Variants in LHFPL6 observed in about 807,000 individuals in gnomAD.
LHFPL6 encodes LHFPL tetraspan subfamily member 6 protein.
Under a neutral mutation model 20.6 loss-of-function variants are expected in LHFPL6, and 9 were observed. The ratio of observed to expected loss-of-function variants is 0.44; its 90% CI spans 0.26 to 0.76. LHFPL6 has a LOEUF of 0.76. Among genes scored for constraint, LHFPL6 ranks in the 30% least tolerant of loss-of-function variants. The pLI is 0.20. For synonymous variants in LHFPL6, 105 were observed against 98.7 expected (o/e 1.06, Z -0.38); for missense variants, 218 against 253.5 (o/e 0.86, Z 0.95).
At chr13:39,468,396 T>A (rs1872857454) in intron 2 of LHFPL6, among the ~76,000 whole-genome samples, 1 of 152,106 alleles carries the variant, frequency 6.6e-6, no homozygotes, top group Non-Finnish European at 1.5e-5. Context: ...AAGAATAAGC[T>A]GGGTGTGGGC....
chr13:39,367,505 C>T (rs968503444), intron 3 of LHFPL6, among the ~76,000 whole-genome samples: 2 of 152,152 alleles, frequency 1.3e-5, no homozygotes, highest in Non-Finnish European at 2.9e-5. Context: ...CAAATACTTT[C>T]GTAGATAATG....
intron 2 of LHFPL6, among the ~76,000 whole-genome samples, chr13:39,555,883 T>C (rs906444310): frequency 6.6e-6 from 1 of 152,160 alleles, no homozygotes; most frequent in Non-Finnish European, 1.5e-5. Flanking sequence ...AAGTACTGGA[T>C]CATGGGGGCA....
At chr13:39,379,948 G>A (rs1870394148) in intron 2 of LHFPL6, among the ~76,000 whole-genome samples, 1 of 152,212 alleles carries the variant, frequency 6.6e-6, no homozygotes, top group South Asian at 2.1e-4. Flanking sequence ...GCATAAATAT[G>A]AATTATGTTG....
At chr13:39,501,678 T>C (rs1445563842) in intron 2 of LHFPL6, among the ~76,000 whole-genome samples, 2 of 152,156 alleles carry the variant, frequency 1.3e-5, no homozygotes, top group Admixed American at 6.5e-5. Context: ...AGAAACAAGA[T>C]TCATGAGTTG....
Position 39,343,981 on chromosome 13 carries a change from C to A in LHFPL6, c.558G>T (p.Trp186Cys). The stretch of plus-strand genomic sequence containing the variant: ...GTTTCTTGCCCGAAAAGCAAGCCAG[C>A]CACGTGCACAGCAGCATGGCGGCAG... ...GATAAMLLCT[W>C]LACFSGKKQK... is the part of the protein sequence containing the mutation. The change falls in exon 4 of 4, where the codon TGG becomes TGT. Residue 186 changes from tryptophan to cysteine, a missense_variant. Coordinates refer to ENST00000379589, the MANE Select transcript of LHFPL6 (RefSeq NM_005780.3). 1 of 1,613,756 alleles carries A rather than the reference C, an allele frequency of 6.2e-7. No individual in the cohort carries two copies. The highest frequency in any genetic ancestry group is 8.5e-7 in the Non-Finnish European group (1 of 1,179,940).
chr13:39,350,762 G>A (rs1195809967), intron 3 of LHFPL6, among the ~76,000 whole-genome samples: 2 of 152,196 alleles, frequency 1.3e-5, no homozygotes, highest in African/African-American at 4.8e-5. Context: ...ATAAAATAGA[G>A]GTTAATGGGA....
chr13:39,563,293 G>A (rs752461375), intron 2 of LHFPL6, among the ~76,000 whole-genome samples: 93 of 152,146 alleles, frequency 6.1e-4, no homozygotes, highest in Non-Finnish European at 1.1e-3. Context: ...TCATATAAAA[G>A]CAGAAAAGTA....
chr13:39,554,226 T>C (rs575831719), intron 2 of LHFPL6, among the ~76,000 whole-genome samples: 1 of 152,336 alleles, frequency 6.6e-6, no homozygotes, highest in African/African-American at 2.4e-5. Flanking sequence ...TCTATACAGA[T>C]GTAGATCTCA....
chr13:39,483,062 T>G (rs749041831), intron 2 of LHFPL6, among the ~76,000 whole-genome samples: 121 of 152,346 alleles, frequency 7.9e-4, no homozygotes, highest in Non-Finnish European at 1.4e-3. Flanking sequence ...AATACTTTTT[T>G]TGTATTTCCC....
At chr13:39,385,072 C>CA (rs1211189989) in intron 2 of LHFPL6, among the ~76,000 whole-genome samples, 2 of 152,184 alleles carry the variant, frequency 1.3e-5, no homozygotes, top group African/African-American at 4.8e-5. Flanking sequence ...GGTCATAAGT[C>CA]AATCACAAAT....
intron 2 of LHFPL6, among the ~76,000 whole-genome samples, chr13:39,473,885 T>C (rs939683297): frequency 6.6e-6 from 1 of 152,244 alleles, no homozygotes; most frequent in Non-Finnish European, 1.5e-5. Flanking sequence ...GTCTAATTTA[T>C]TTCTTCTTCT....
At chr13:39,593,153 A>G (rs1872663359) in intron 2 of LHFPL6, among the ~76,000 whole-genome samples, 1 of 152,224 alleles carries the variant, frequency 6.6e-6, no homozygotes, top group African/African-American at 2.4e-5. Context: ...AATAAAGGGT[A>G]TTCAATTAGG....
At chr13:39,572,465 A>G (rs1381288267) in intron 2 of LHFPL6, among the ~76,000 whole-genome samples, 1 of 152,178 alleles carries the variant, frequency 6.6e-6, no homozygotes, top group African/African-American at 2.4e-5. Context: ...CCGATTCTCA[A>G]TAAAGGGTAT....
At chr13:39,367,174 T>C (rs561696896) in intron 3 of LHFPL6, among the ~76,000 whole-genome samples, 42 of 152,256 alleles carry the variant, frequency 2.8e-4, no homozygotes, top group African/African-American at 9.9e-4. Flanking sequence ...ATGGCATGGA[T>C]ATAAACATGG....
At chr13:39,510,192 T>G (rs573394682) in intron 2 of LHFPL6, among the ~76,000 whole-genome samples, 21 of 152,184 alleles carry the variant, frequency 1.4e-4, no homozygotes, top group African/African-American at 5.1e-4. Flanking sequence ...GCACTTCACG[T>G]GAGAGTAAAA....
chr13:39,422,457 A>T (rs999616730), intron 2 of LHFPL6, among the ~76,000 whole-genome samples: 1 of 151,926 alleles, frequency 6.6e-6, no homozygotes, highest in South Asian at 2.1e-4. Context: ...ATGGTGGCAC[A>T]TGCCTGTAAT....
At chr13:39,446,140 C>T (rs1872283073) in intron 2 of LHFPL6, among the ~76,000 whole-genome samples, 1 of 152,154 alleles carries the variant, frequency 6.6e-6, no homozygotes, top group Non-Finnish European at 1.5e-5. Context: ...GGAGCACAAA[C>T]TTGAAAATGA....
At chr13:39,531,627 G>A (rs1206763204) in intron 2 of LHFPL6, among the ~76,000 whole-genome samples, 1 of 152,194 alleles carries the variant, frequency 6.6e-6, no homozygotes, top group South Asian at 2.1e-4. Context: ...CAGACTTCAG[G>A]TAGATTCCTT....
At chr13:39,598,683 G>A (rs541942170) in intron 2 of LHFPL6, among the ~76,000 whole-genome samples, 1 of 149,860 alleles carries the variant, frequency 6.7e-6, no homozygotes, top group South Asian at 2.2e-4. Flanking sequence ...AGCCTCCGAA[G>A]TAGCAGGGAC....
Sources: allele counts gnomAD v4.1 joint callset (sites outside exome capture counted in the v4.1 genomes callset), GRCh38; gene constraint gnomAD v4.1.1; transcripts MANE v1.5; gene names NCBI Gene and HGNC (gene_info 2026-07-23, HGNC 2026-07-21).